PCDH15: variants seen among roughly 807,000 people sequenced by gnomAD.
PCDH15 encodes protocadherin related 15, also known as protocadherin-15.
A neutral mutation model predicts 178.5 loss-of-function variants in PCDH15; 129 were observed. The ratio of observed to expected loss-of-function variants is 0.72; its 90% CI spans 0.63 to 0.84. The LOEUF (loss-of-function observed/expected upper bound fraction) is 0.84. Among genes scored for constraint, PCDH15 ranks in the 40% least tolerant of loss-of-function variants. PCDH15 has a pLI of 0.00. For missense variants in PCDH15, 2,230 were observed against 2,099.9 expected, an observed-to-expected ratio of 1.06 and a Z score of -1.21; for synonymous variants, 800 against 732.0, an observed-to-expected ratio of 1.09 and a Z score of -1.50.
intron 8 of PCDH15, among the ~76,000 whole-genome samples, chr10:54,263,879 C>A (rs2057494250): frequency 6.6e-6 from 1 of 152,124 alleles, no homozygotes; most frequent in East Asian, 1.9e-4. Flanking sequence ...CACTCTCAAT[C>A]TGGGTGGGCA....
intron 3 of PCDH15, among the ~76,000 whole-genome samples, chr10:54,467,601 G>GTTTTTTTTTTTTTTTT (rs67776985): frequency 1.1e-3 from 49 of 45,698 alleles, no homozygotes; most frequent in African/African-American, 1.3e-3. Context: ...TCAAGCTGTA[G>GTTTTTTTTTTTTTTTT]TTTTTTTTTT....
intron 8 of PCDH15, among the ~76,000 whole-genome samples, chr10:54,239,432 T>TATATAGAGAGAGAGAGAGAGAGAG (rs1554853331): frequency 1.3e-5 from 2 of 150,638 alleles, no homozygotes; most frequent in Middle Eastern, 3.5e-3. Context: ...TATATATATA[T>TATATAGAGAGAGAGAGAGAGAGAG]AGAGTAAGAA....
intron 26 of PCDH15, among the ~76,000 whole-genome samples, chr10:53,868,971 A>C (rs2133188110): frequency 6.6e-6 from 1 of 152,230 alleles, no homozygotes; most frequent in South Asian, 2.1e-4. Flanking sequence ...GCACTCCACT[A>C]CGCCTGGCTA....
intron 2 of PCDH15, among the ~76,000 whole-genome samples, chr10:55,454,035 T>A (rs767544697): frequency 6.6e-6 from 1 of 152,142 alleles, no homozygotes; most frequent in Admixed American, 6.5e-5. Flanking sequence ...TGTCTTATTC[T>A]ATAAAATAAT....
intron 3 of PCDH15, among the ~76,000 whole-genome samples, chr10:54,419,243 T>TACACACACACACACACAC (rs146831797): frequency 2.7e-5 from 4 of 150,660 alleles, no homozygotes; most frequent in African/African-American, 4.9e-5. Context: ...CATATATACA[T>TACACACACACACACACAC]ACACACACAC....
intron 2 of PCDH15, among the ~76,000 whole-genome samples, chr10:55,521,102 G>A (rs1473484001): frequency 2.6e-5 from 4 of 151,868 alleles, no homozygotes; most frequent in African/African-American, 7.2e-5. Context: ...CCAGCCCTTA[G>A]CAACAACCAT....
At chr10:54,432,847 C>A (rs1462384417) in intron 3 of PCDH15, among the ~76,000 whole-genome samples, 1 of 151,804 alleles carries the variant, frequency 6.6e-6, no homozygotes, top group Non-Finnish European at 1.5e-5. Flanking sequence ...TATTAATAAC[C>A]AGAATATATA....
intron 1 of PCDH15, among the ~76,000 whole-genome samples, chr10:54,779,896 A>AAAGATCCT (rs1268768502): frequency 2.6e-5 from 4 of 152,068 alleles, no homozygotes; most frequent in Non-Finnish European, 5.9e-5. Context: ...ATTCTCCAGA[A>AAAGATCCT]AAGATCCTTT....
chr10:54,296,405 C>T (rs144964845), intron 8 of PCDH15, among the ~76,000 whole-genome samples: 6 of 151,944 alleles, frequency 3.9e-5, no homozygotes, highest in South Asian at 2.1e-4. Context: ...AAAGACATGT[C>T]GCCTAAGGGA....
intron 3 of PCDH15, among the ~76,000 whole-genome samples, chr10:54,448,321 G>A (rs1483532516): frequency 6.6e-6 from 1 of 151,630 alleles, no homozygotes; most frequent in Non-Finnish European, 1.5e-5. Flanking sequence ...GGTAATCAGA[G>A]GAAGGAAGAG....
intron 21 of PCDH15, among the ~76,000 whole-genome samples, chr10:53,982,753 T>C (rs1187739996): frequency 1.3e-5 from 2 of 151,426 alleles, no homozygotes; most frequent in African/African-American, 4.9e-5. Context: ...CACACCAGCA[T>C]GGCACATGTA....
chr10:55,459,376 T>C (rs1839623710), intron 2 of PCDH15, among the ~76,000 whole-genome samples: 1 of 152,070 alleles, frequency 6.6e-6, no homozygotes, highest in South Asian at 2.1e-4. Flanking sequence ...CTCCCGCTTA[T>C]CTGAAATCCA....
At chr10:54,387,692 T>C (rs1013421592) in intron 3 of PCDH15, among the ~76,000 whole-genome samples, 23 of 152,296 alleles carry the variant, frequency 1.5e-4, no homozygotes, top group African/African-American at 5.1e-4. Flanking sequence ...TGCCCCTCTG[T>C]AATTCCTGTT....
chr10:54,307,038 GTGTATA>G (rs2060531807), intron 8 of PCDH15, among the ~76,000 whole-genome samples: 2 of 24,826 alleles, frequency 8.1e-5, no homozygotes, highest in African/African-American at 1.0e-4. Context: ...ATGTGTGTGT[GTGTATA>G]TATATATATA....
chr10:54,389,740 ACCAG>A (rs1950320621), intron 3 of PCDH15, among the ~76,000 whole-genome samples: 2 of 150,840 alleles, frequency 1.3e-5, no homozygotes, highest in African/African-American at 4.9e-5. Flanking sequence ...GGAGTTCAAA[ACCAG>A]CCTGGCAAAC....
At chr10:55,471,705 G>A (rs748235032) in intron 2 of PCDH15, among the ~76,000 whole-genome samples, 1 of 152,124 alleles carries the variant, frequency 6.6e-6, no homozygotes, top group Non-Finnish European at 1.5e-5. Context: ...TTTCCAAATT[G>A]AATAACTGAA....
At chr10:54,861,527 A>G (rs1019976240) in intron 3 of PCDH15, among the ~76,000 whole-genome samples, 6 of 152,166 alleles carry the variant, frequency 3.9e-5, no homozygotes, top group Non-Finnish European at 7.4e-5. Flanking sequence ...CAGCCATATC[A>G]GGCATCAAAG....
At chr10:54,826,652 A>G (rs1177578043) in intron 3 of PCDH15, among the ~76,000 whole-genome samples, 1 of 151,890 alleles carries the variant, frequency 6.6e-6, no homozygotes, top group Non-Finnish European at 1.5e-5. Context: ...TTTCAGGTAA[A>G]CAGTGGGTCA....
intron 18 of PCDH15, among the ~76,000 whole-genome samples, chr10:54,030,970 T>A (rs1287847000): frequency 6.6e-6 from 1 of 152,044 alleles, no homozygotes; most frequent in East Asian, 1.9e-4. Context: ...CAGGCTTCAT[T>A]GGAATATGAA....
Sources: allele counts gnomAD v4.1 joint callset (sites outside exome capture counted in the v4.1 genomes callset), GRCh38; gene constraint gnomAD v4.1.1; transcripts MANE v1.5; gene names NCBI Gene and HGNC (gene_info 2026-07-23, HGNC 2026-07-21).